Variants in SLC35D4 observed in about 807,000 individuals in gnomAD.
The protein encoded by SLC35D4 is solute carrier family 35 member D4.
At chr18:23,319,586 C>T in the SLC35D4 span, among the ~76,000 whole-genome samples, 3 of 152,032 alleles carry the variant, frequency 2.0e-5, no homozygotes, top group East Asian at 1.9e-4. Flanking sequence ...TACAGGCGTG[C>T]GCCACCATGC....
At chr18:23,311,622 A>T in the SLC35D4 span, among the ~76,000 whole-genome samples, 2 of 152,276 alleles carry the variant, frequency 1.3e-5, no homozygotes, top group Admixed American at 6.5e-5. Flanking sequence ...CTGGATCTAG[A>T]TCTCCTAGCT....
the SLC35D4 span, among the ~76,000 whole-genome samples, chr18:23,277,408 C>T: frequency 6.6e-6 from 1 of 152,208 alleles, no homozygotes; most frequent in East Asian, 1.9e-4. Context: ...TGTGAGGCTT[C>T]TCCAGCCATG....
the SLC35D4 span, among the ~76,000 whole-genome samples, chr18:23,418,938 A>G: frequency 0.94 from 142,227 of 151,456 alleles, 66,833 homozygotes; most frequent in African/African-American, 0.95. Context: ...AACCCGGGAG[A>G]CGGAGCTTGC....
the SLC35D4 span, among the ~76,000 whole-genome samples, chr18:23,322,798 C>T: frequency 6.6e-6 from 1 of 152,148 alleles, no homozygotes; most frequent in Non-Finnish European, 1.5e-5. Context: ...ACTTAGAACA[C>T]CCAATTGTAG....
the SLC35D4 span, chr18:23,377,507 C>T: frequency 4.0e-6 from 3 of 752,920 alleles, no homozygotes; most frequent in Non-Finnish European, 4.1e-6. Flanking sequence ...GACTAAGACA[C>T]AAATTAGGGA....
the SLC35D4 span, among the ~76,000 whole-genome samples, chr18:23,353,617 T>C: frequency 6.6e-6 from 1 of 152,178 alleles, no homozygotes; most frequent in Non-Finnish European, 1.5e-5. Context: ...TATTTCAGCC[T>C]GTTTGGCCCT....
chr18:23,248,512 C>CT, the SLC35D4 span, among the ~76,000 whole-genome samples: 2,936 of 90,710 alleles, frequency 0.032, 80 homozygotes, highest in Middle Eastern at 0.055. Context: ...GACCCTATGT[C>CT]TTTTTTTTTT....
chr18:23,306,801 T>G, the SLC35D4 span, among the ~76,000 whole-genome samples: 13 of 152,192 alleles, frequency 8.5e-5, no homozygotes, highest in Admixed American at 8.5e-4. Context: ...GAAATAAGCA[T>G]GATCTTAAAG....
the SLC35D4 span, among the ~76,000 whole-genome samples, chr18:23,348,844 T>C: frequency 6.6e-6 from 1 of 152,258 alleles, no homozygotes; most frequent in Admixed American, 6.5e-5. Context: ...ATATTTAATG[T>C]AATTACGGAT....
At chr18:23,296,505 A>G in the SLC35D4 span, 1 of 152,118 alleles carries the variant, frequency 6.6e-6, no homozygotes, top group African/African-American at 2.4e-5. Context: ...ACAGGGTTTC[A>G]CCATGTTGGC....
chr18:23,246,676 C>T, the SLC35D4 span, among the ~76,000 whole-genome samples: 6 of 151,616 alleles, frequency 4.0e-5, 1 homozygote, highest in African/African-American at 7.3e-5. Context: ...TATGCTTGAG[C>T]CACCGCACCC....
At chr18:23,319,499 A>C in the SLC35D4 span, among the ~76,000 whole-genome samples, 1 of 151,852 alleles carries the variant, frequency 6.6e-6, no homozygotes, top group Non-Finnish European at 1.5e-5. Context: ...GCTGGAGTCC[A>C]ATGGTGCGAT....
chr18:23,390,534 T>G, the SLC35D4 span, among the ~76,000 whole-genome samples: 1 of 152,224 alleles, frequency 6.6e-6, no homozygotes, highest in Admixed American at 6.5e-5. Flanking sequence ...CCGTTGAAAT[T>G]TTTCTCTGGC....
the SLC35D4 span, among the ~76,000 whole-genome samples, chr18:23,316,883 G>A: frequency 1.3e-5 from 2 of 152,306 alleles, no homozygotes; most frequent in South Asian, 4.1e-4. Flanking sequence ...CTGTGTCACA[G>A]AGAAAATCTC....
At chr18:23,377,594 A>G in the SLC35D4 span, 1 of 1,535,928 alleles carries the variant, frequency 6.5e-7, no homozygotes, top group Non-Finnish European at 8.7e-7. Context: ...TCAAGTTAAA[A>G]ATAGGTTAAA....
chr18:23,405,333 G>A, the SLC35D4 span, among the ~76,000 whole-genome samples: 1 of 152,080 alleles, frequency 6.6e-6, no homozygotes, highest in East Asian at 1.9e-4. Context: ...GGTTACAGGT[G>A]CCCACTACCA....
At chr18:23,322,221 C>G in the SLC35D4 span, among the ~76,000 whole-genome samples, 1 of 152,202 alleles carries the variant, frequency 6.6e-6, no homozygotes, top group Non-Finnish European at 1.5e-5. Flanking sequence ...TCCATCTCCA[C>G]GTGTTGTGGT....
chr18:23,418,165 G>A, the SLC35D4 span, among the ~76,000 whole-genome samples: 2 of 151,930 alleles, frequency 1.3e-5, no homozygotes, highest in Non-Finnish European at 2.9e-5. Context: ...GCAAAATTGT[G>A]ACTTAATAAC....
At chr18:23,247,776 AGACAGGAGGCCAG>A in the SLC35D4 span, among the ~76,000 whole-genome samples, 16 of 152,362 alleles carry the variant, frequency 1.1e-4, no homozygotes, top group African/African-American at 3.8e-4. Flanking sequence ...AGAGCACAGC[AGACAGGAGGCCAG>A]GACAGAAGGC....
Sources: gnomAD v4.1 joint callset for allele counts (sites outside exome capture counted in the v4.1 genomes callset) on GRCh38, gnomAD v4.1.1 for gene constraint, MANE v1.5 for transcripts, NCBI Gene and HGNC (gene_info 2026-07-23, HGNC 2026-07-21) for gene names.